Variants in SLC14A2 observed in about 807,000 individuals in gnomAD.
SLC14A2 encodes solute carrier family 14 member 2, also known as urea transporter 2.
Under a neutral mutation model 104.6 loss-of-function variants are expected in SLC14A2, and 91 were observed. The ratio of observed to expected loss-of-function variants is 0.87; its 90% CI spans 0.73 to 1.04. The LOEUF (loss-of-function observed/expected upper bound fraction) is 1.04, where lower values mean the gene tolerates loss of function less well. SLC14A2 is among the 50% of genes least tolerant of loss of function. The pLI is 0.00. For synonymous variants in SLC14A2, 476 were observed against 466.4 expected (o/e 1.02, Z -0.27); for missense variants, 1,189 against 1,156.0 (o/e 1.03, Z -0.41).
At chr18:45,652,106 C>T (rs2045749929) in intron 10 of SLC14A2, among the ~76,000 whole-genome samples, 1 of 152,198 alleles carries the variant, frequency 6.6e-6, no homozygotes, top group Admixed American at 6.5e-5. Context: ...ACTTTGTTTT[C>T]TTGGGTCATA....
chr18:45,308,387 A>G (rs972659409), intron 1 of SLC14A2, among the ~76,000 whole-genome samples: 3 of 152,234 alleles, frequency 2.0e-5, no homozygotes, highest in African/African-American at 7.2e-5. Context: ...ATTTAAACCC[A>G]TGTGGTCTAA....
chr18:45,478,799 A>G (rs551383525), intron 1 of SLC14A2, among the ~76,000 whole-genome samples: 11 of 152,222 alleles, frequency 7.2e-5, no homozygotes, highest in African/African-American at 2.6e-4. Context: ...AGAGATTGTC[A>G]GTTGCCAAGA....
At chr18:45,567,876 T>C (rs1386666236) in intron 2 of SLC14A2, among the ~76,000 whole-genome samples, 1 of 152,162 alleles carries the variant, frequency 6.6e-6, no homozygotes, top group Non-Finnish European at 1.5e-5. Context: ...CCAGGATCTT[T>C]CAGGAGAAGA....
chr18:45,505,601 G>A (rs1431218449), intron 2 of SLC14A2, among the ~76,000 whole-genome samples: 1 of 152,152 alleles, frequency 6.6e-6, no homozygotes, highest in East Asian at 1.9e-4. Context: ...TCAGGCCAGT[G>A]TCTTACGTGG....
chr18:45,666,264 C>A, intron 12 of SLC14A2, 45 bp downstream of exon 12: 1 of 1,315,008 alleles, frequency 7.6e-7, no homozygotes, highest in Non-Finnish European at 1.1e-6. Flanking sequence ...CCTACAGTCA[C>A]AGAGCCCACA....
chr18:45,643,865 A>G (rs2045574505), intron 9 of SLC14A2, 121 bp from the exon 10 acceptor site: 5 of 832,994 alleles, frequency 6.0e-6, no homozygotes, highest in East Asian at 2.4e-5. Context: ...AGGAATATCA[A>G]TGCCTTCACT....
At chr18:45,638,448 G>C (rs2045461375) in intron 6 of SLC14A2, among the ~76,000 whole-genome samples, 1 of 152,096 alleles carries the variant, frequency 6.6e-6, no homozygotes, top group Non-Finnish European at 1.5e-5. Flanking sequence ...TACAAAATTT[G>C]GTCCAAAGGG....
the SLC14A2 span, among the ~76,000 whole-genome samples, chr18:45,183,272 G>A: frequency 6.6e-6 from 1 of 152,106 alleles, no homozygotes; most frequent in South Asian, 2.1e-4. Context: ...GTTCCGTGAA[G>A]GCTGATAACA....
upstream of SLC14A2, among the ~76,000 whole-genome samples, chr18:45,611,037 T>TG (rs1334766161): frequency 6.6e-6 from 1 of 152,180 alleles, no homozygotes; most frequent in Non-Finnish European, 1.5e-5. Flanking sequence ...CACACCCAGG[T>TG]GCTCCACTAG....
chr18:45,673,154 A>C, intron 17 of SLC14A2, 107 bp downstream of exon 17: 2 of 1,088,282 alleles, frequency 1.8e-6, no homozygotes, highest in South Asian at 1.5e-5. Context: ...ATTCCTGTGA[A>C]CTTTCCCTCC....
At chr18:45,391,991 A>T (rs918319118) in intron 1 of SLC14A2, among the ~76,000 whole-genome samples, 1 of 152,202 alleles carries the variant, frequency 6.6e-6, no homozygotes, top group Non-Finnish European at 1.5e-5. Context: ...TTAGACATGA[A>T]GTCCTTGCCC....
At chr18:45,372,583 T>C (rs1280073454) in intron 1 of SLC14A2, among the ~76,000 whole-genome samples, 1 of 152,152 alleles carries the variant, frequency 6.6e-6, no homozygotes, top group Non-Finnish European at 1.5e-5. Flanking sequence ...CGAAGTCTTC[T>C]CAAACTTTCG....
chr18:45,245,455 T>C (rs1456360219), intron 1 of SLC14A2, among the ~76,000 whole-genome samples: 1 of 152,200 alleles, frequency 6.6e-6, no homozygotes. Flanking sequence ...AATTATCTGA[T>C]CTCTTGAATT....
At chr18:45,534,713 T>C (rs184107441) in intron 2 of SLC14A2, among the ~76,000 whole-genome samples, 64 of 152,156 alleles carry the variant, frequency 4.2e-4, no homozygotes. Flanking sequence ...GGGTTGAAAA[T>C]AGAGCAAGAG....
chr18:45,391,362 T>C (rs1348734796), intron 1 of SLC14A2, among the ~76,000 whole-genome samples: 1 of 152,214 alleles, frequency 6.6e-6, no homozygotes, highest in East Asian at 1.9e-4. Context: ...TCTTTGCTAT[T>C]GTGAATAGTG....
At chr18:45,171,832 TC>T in the SLC14A2 span, among the ~76,000 whole-genome samples, 1 of 141,614 alleles carries the variant, frequency 7.1e-6, no homozygotes, top group Non-Finnish European at 1.6e-5. Context: ...CTAAATTCTG[TC>T]TGAATCACTC....
At chr18:45,498,778 T>G (rs751982898) in intron 2 of SLC14A2, among the ~76,000 whole-genome samples, 3 of 152,200 alleles carry the variant, frequency 2.0e-5, no homozygotes, top group Non-Finnish European at 2.9e-5. Context: ...TGCTTTCCCC[T>G]CCAAGCTGGC....
At chr18:45,564,500 C>T (rs552338459) in intron 2 of SLC14A2, among the ~76,000 whole-genome samples, 1 of 152,256 alleles carries the variant, frequency 6.6e-6, no homozygotes, top group South Asian at 2.1e-4. Flanking sequence ...GTGAGTTACA[C>T]AGAGAGGTGA....
chr18:45,675,207 G>A (rs967015999), intron 18 of SLC14A2, among the ~76,000 whole-genome samples: 1 of 152,134 alleles, frequency 6.6e-6, no homozygotes, highest in African/African-American at 2.4e-5. Context: ...AGCCCCTGTA[G>A]GTGGATCCTT....
Sources: allele counts gnomAD v4.1 joint callset (sites outside exome capture counted in the v4.1 genomes callset), GRCh38; gene constraint gnomAD v4.1.1; transcripts MANE v1.5; gene names NCBI Gene and HGNC (gene_info 2026-07-23, HGNC 2026-07-21).